The following NFATC2 variants were observed in gnomAD, a reference collection of about 807,000 sequenced individuals.
The protein encoded by NFATC2 is nuclear factor of activated T cells 2, also known as nuclear factor of activated T-cells, cytoplasmic 2.
Under a neutral mutation model 87.3 loss-of-function variants are expected in NFATC2, and 22 were observed. The observed-to-expected ratio is 0.25, with a 90% CI of 0.18 to 0.36. NFATC2 has a LOEUF of 0.36. NFATC2 is among the 10% of genes least tolerant of loss of function. The pLI is 1.00. For synonymous variants in NFATC2, 565 were observed against 542.2 expected (o/e 1.04, Z -0.58); for missense variants, 1,149 against 1,259.1 (o/e 0.91, Z 1.32).
chr20:51,517,222 T>C (rs1485896906), intron 2 of NFATC2, among the ~76,000 whole-genome samples: 1 of 152,134 alleles, frequency 6.6e-6, no homozygotes, highest in East Asian at 1.9e-4. Flanking sequence ...TACTGAATAC[T>C]GTAGGCAATG....
chr20:51,396,555 A>G (rs1987172454), intron 10 of NFATC2, among the ~76,000 whole-genome samples: 1 of 152,136 alleles, frequency 6.6e-6, no homozygotes, highest in Admixed American at 6.5e-5. Context: ...TGGTGAGACC[A>G]CGTGAGTGCC....
At chr20:51,472,629 CTTTTTTTTT>C (rs1223762055) in intron 5 of NFATC2, among the ~76,000 whole-genome samples, 1 of 92,734 alleles carries the variant, frequency 1.1e-5, no homozygotes, top group African/African-American at 4.4e-5. Context: ...CTTCTTTCTT[CTTTTTTTTT>C]TTTTTTTTTT....
At chr20:51,547,316 G>A (rs2076897556), upstream of NFATC2, among the ~76,000 whole-genome samples, 1 of 152,068 alleles carries the variant, frequency 6.6e-6, no homozygotes, top group Admixed American at 6.5e-5. Flanking sequence ...GTCATCCTTT[G>A]GTCCCTCTGT....
chr20:51,561,563 T>C (rs1294613256), intron 1 of NFATC2, among the ~76,000 whole-genome samples: 2 of 147,536 alleles, frequency 1.4e-5, no homozygotes, highest in Admixed American at 6.7e-5. Context: ...GAAATTGTCA[T>C]TTCTTCCCCC....
chr20:51,557,135 C>T (rs564860004), intron 1 of NFATC2, among the ~76,000 whole-genome samples: 18 of 152,282 alleles, frequency 1.2e-4, no homozygotes, highest in Middle Eastern at 3.4e-3. Context: ...GACCACTCCC[C>T]GTGTTCTCTA....
intron 9 of NFATC2, among the ~76,000 whole-genome samples, chr20:51,428,947 C>A (rs779077206): frequency 5.9e-5 from 9 of 152,234 alleles, no homozygotes; most frequent in Non-Finnish European, 1.2e-4. Context: ...GTGCGACAGA[C>A]TCCCTTGAAA....
At chr20:51,450,609 C>A (rs1985646070) in intron 6 of NFATC2, among the ~76,000 whole-genome samples, 1 of 152,182 alleles carries the variant, frequency 6.6e-6, no homozygotes, top group South Asian at 2.1e-4. Context: ...ATTTTACAGA[C>A]AGGGAAGCTG....
intron 3 of NFATC2, among the ~76,000 whole-genome samples, chr20:51,515,335 C>T (rs779839814): frequency 1.2e-4 from 19 of 152,214 alleles, no homozygotes; most frequent in Admixed American, 7.2e-4. Context: ...GACCTCCCCA[C>T]CAAGCATCCA....
intron 3 of NFATC2, among the ~76,000 whole-genome samples, chr20:51,490,850 CT>C (rs1225773101): frequency 1.3e-5 from 2 of 152,212 alleles, no homozygotes; most frequent in Non-Finnish European, 1.5e-5. Context: ...CAACATGCTC[CT>C]TTCCCAGGGA....
intron 3 of NFATC2, among the ~76,000 whole-genome samples, chr20:51,506,902 C>T (rs1490953540): frequency 1.3e-5 from 2 of 152,214 alleles, no homozygotes; most frequent in African/African-American, 2.4e-5. Context: ...GTGGCGAGGG[C>T]GGAGGCAAGG....
At chr20:51,551,332 A>T (rs2076930739) in intron 1 of NFATC2, among the ~76,000 whole-genome samples, 1 of 152,228 alleles carries the variant, frequency 6.6e-6, no homozygotes, top group Non-Finnish European at 1.5e-5. Context: ...GTAACAGTCC[A>T]TGTGAGCCAC....
Position 51,410,043 on chromosome 20 carries a change from T to C in NFATC2, c.2723-11313A>G, listed in dbSNP as rs1398273615. 2.6e-5 allele frequency among the ~76,000 whole-genome samples: 4 copies of C among 152,132 alleles called. No individual in the cohort carries two copies. The East Asian group carries it at 7.7e-4, about 29-fold the overall frequency. ...GGCTAACACGGTGAAACCCCGTCTCTACTAAAAATACAAAAAATTAGCCAG... is the reference window on the plus strand; with the variant it reads ...GGCTAACACGGTGAAACCCCGTCTCCACTAAAAATACAAAAAATTAGCCAG... On this transcript the variant is annotated intron_variant, in intron 9 of 10. Transcript: ENST00000371564.
intron 1 of NFATC2, among the ~76,000 whole-genome samples, chr20:51,525,563 A>AGGAG (rs2076530950): frequency 4.2e-5 from 1 of 23,600 alleles, no homozygotes; most frequent in Non-Finnish European, 8.0e-5. Context: ...AAGGCCCCCC[A>AGGAG]CCTCATCAGA....
At chr20:51,503,901 TG>T (rs1300621279) in intron 3 of NFATC2, among the ~76,000 whole-genome samples, 1 of 152,234 alleles carries the variant, frequency 6.6e-6, no homozygotes, top group Non-Finnish European at 1.5e-5. Context: ...TGGAGTGCAG[TG>T]GTGCAATCTT....
At chr20:51,411,868 G>A (rs1305396376) in intron 9 of NFATC2, among the ~76,000 whole-genome samples, 1 of 152,116 alleles carries the variant, frequency 6.6e-6, no homozygotes, top group South Asian at 2.1e-4. Context: ...CTGGCACACA[G>A]TAGGCACTCT....
intron 10 of NFATC2, among the ~76,000 whole-genome samples, chr20:51,397,185 CCT>C (rs1491028508): frequency 2.6e-5 from 4 of 152,116 alleles, no homozygotes; most frequent in Non-Finnish European, 4.4e-5. Flanking sequence ...CAGCCCTTCC[CCT>C]CTGACTTCTT....
chr20:51,485,190 A>G (rs1295761685), intron 3 of NFATC2, among the ~76,000 whole-genome samples: 1 of 152,244 alleles, frequency 6.6e-6, no homozygotes, highest in Non-Finnish European at 1.5e-5. Context: ...TGGAGAGATC[A>G]GAGACAAGGC....
At chr20:51,506,626 G>A (rs1464082399) in intron 3 of NFATC2, among the ~76,000 whole-genome samples, 1 of 152,048 alleles carries the variant, frequency 6.6e-6, no homozygotes, top group Non-Finnish European at 1.5e-5. Context: ...TCAATAAAGA[G>A]GTCTTGGCCT....
intron 1 of NFATC2, among the ~76,000 whole-genome samples, chr20:51,525,574 G>A (rs933729146): frequency 1.5e-5 from 2 of 134,260 alleles, no homozygotes; most frequent in Non-Finnish European, 3.1e-5. Context: ...CCTCATCAGA[G>A]GCTCCTCCAA....
Sources: allele counts gnomAD v4.1 joint callset (sites outside exome capture counted in the v4.1 genomes callset), GRCh38; gene constraint gnomAD v4.1.1; transcripts MANE v1.5; gene names NCBI Gene and HGNC (gene_info 2026-07-23, HGNC 2026-07-21).